The following MON2 variants were observed in gnomAD, a reference collection of about 807,000 sequenced individuals.
MON2 encodes protein MON2 homolog.
In MON2, 84 loss-of-function variants were observed where a neutral mutation model predicts 208.6. That is an observed-to-expected ratio of 0.40 (90% CI 0.34 to 0.48). The LOEUF is 0.48. Ranked by LOEUF, MON2 falls within the 20% of genes least tolerant of loss-of-function variation. The probability of loss-of-function intolerance (pLI) is 0.59; values close to 1 mark genes in which losing one functional copy is unlikely to be tolerated. For missense variants in MON2, 1,611 were observed against 2,015.4 expected, an observed-to-expected ratio of 0.80 and a Z score of 3.84; for synonymous variants, 660 against 694.0, an observed-to-expected ratio of 0.95 and a Z score of 0.77.
At chr12:62,532,230 C>T (rs2072689132) in intron 11 of MON2, among the ~76,000 whole-genome samples, 1 of 152,124 alleles carries the variant, frequency 6.6e-6, no homozygotes, top group South Asian at 2.1e-4. Context: ...TTAGTTATGG[C>T]AGTGGTCAGG....
intron 1 of MON2, among the ~76,000 whole-genome samples, chr12:62,478,455 G>A (rs2069214563): frequency 6.6e-6 from 1 of 152,062 alleles, no homozygotes; most frequent in Non-Finnish European, 1.5e-5. Context: ...ACACTAGGAG[G>A]GTGACAAAAT....
intron 30 of MON2, among the ~76,000 whole-genome samples, chr12:62,574,500 T>C (rs7136993): frequency 0.38 from 57,850 of 151,874 alleles, 11,356 homozygotes; most frequent in African/African-American, 0.47. Flanking sequence ...CCTCAGCCTC[T>C]CTTGTAGCTC....
intron 8 of MON2, 81 bp from the exon 9 acceptor site, chr12:62,524,434 C>A: frequency 8.7e-7 from 1 of 1,150,952 alleles, no homozygotes; most frequent in Admixed American, 2.0e-5. Context: ...TTGTCCATAG[C>A]ACTAAGTTAA....
rs1479632269 is a variant in MON2, at chr12:62,600,082, C to T, written c.*7333C>T. 1 of 152,138 alleles carries T rather than the reference C, an allele frequency of 6.6e-6. No individual in the cohort carries two copies. The highest frequency in any genetic ancestry group is 1.5e-5 in the Non-Finnish European group (1 of 68,024). 9.4% of individuals were successfully genotyped at this position (152,138 alleles called of 1,614,324 possible). ...TCTGTTATTTTACTAAATGTGTGAC[C>T]TTGGGCAAGTTAATTAACCTGTTTT... On this transcript the variant is annotated 3_prime_UTR_variant, in exon 35 of 35. Transcript: ENST00000393630.
chr12:62,527,319 G>A (rs955629426), intron 11 of MON2, among the ~76,000 whole-genome samples: 2 of 152,096 alleles, frequency 1.3e-5, no homozygotes, highest in Non-Finnish European at 2.9e-5. Context: ...TCTCTGGTGT[G>A]TCAGTCTGCA....
chr12:62,477,572 G>A (rs913722574), intron 1 of MON2, among the ~76,000 whole-genome samples: 12 of 148,700 alleles, frequency 8.1e-5, no homozygotes, highest in African/African-American at 9.9e-5. Context: ...ACACCACCAC[G>A]TTTGCCTAAT....
intron 30 of MON2, among the ~76,000 whole-genome samples, chr12:62,576,503 A>G (rs181789368): frequency 1.6e-4 from 24 of 152,216 alleles, no homozygotes; most frequent in Admixed American, 1.2e-3. Flanking sequence ...TTAATATGTC[A>G]TACAGAGAGA....
chr12:62,508,251 A>T, intron 7 of MON2, 35 bp from the exon 8 acceptor site: 1 of 1,520,380 alleles, frequency 6.6e-7, no homozygotes, highest in Non-Finnish European at 9.0e-7. Flanking sequence ...AAATAAAGTT[A>T]ATTATTTTTT....
intron 23 of MON2, 134 bp downstream of exon 23, chr12:62,549,964 TG>T: frequency 2.0e-6 from 1 of 511,926 alleles, no homozygotes. Context: ...AACTTACGTC[TG>T]GGTGAAGGAT....
intron 1 of MON2, among the ~76,000 whole-genome samples, chr12:62,474,810 A>C (rs1393994121): frequency 2.0e-5 from 3 of 152,104 alleles, no homozygotes; most frequent in Non-Finnish European, 4.4e-5. Context: ...GGTATCTAGC[A>C]CTGTTGCCTA....
intron 24 of MON2, 79 bp from the exon 25 acceptor site, chr12:62,555,915 T>TTCTTATGCTGTTGC: frequency 9.3e-7 from 1 of 1,078,566 alleles, no homozygotes; most frequent in Non-Finnish European, 1.4e-6. Context: ...AATTTGTAGA[T>TTCTTATGCTGTTGC]TCTTATGCTG....
rs750057394 is a variant in MON2 at position 62,525,136 on chromosome 12, G to C, written c.1162G>C (p.Asp388His). ...MKQHSTKVFRDIVNALGSFIQ... is the reference protein window; with the variant it reads ...MKQHSTKVFRHIVNALGSFIQ... ...ACAGCATTCTACCAAGGTTTTTCGT[G>C]ATATTGTAAATGCACTGGGATCTTT... The change falls in exon 10 of 35, where the codon GAT becomes CAT. Residue 388 changes from aspartate (D) to histidine (H), a missense_variant. Coordinates refer to ENST00000393630, the MANE Select transcript of MON2 (RefSeq NM_015026.3). 1.1e-5 allele frequency: 17 copies of C among 1,611,698 alleles called. No individual in the cohort carries two copies. The highest frequency in any genetic ancestry group is 1.4e-5 in the Non-Finnish European group (16 of 1,178,116).
At chr12:62,576,818 A>G (rs2074805752) in intron 30 of MON2, among the ~76,000 whole-genome samples, 1 of 151,748 alleles carries the variant, frequency 6.6e-6, no homozygotes, top group Admixed American at 6.6e-5. Flanking sequence ...TCATCATATG[A>G]TATTTTAAAA....
chr12:62,574,084 C>A (rs1433195319), intron 30 of MON2, among the ~76,000 whole-genome samples: 1 of 152,118 alleles, frequency 6.6e-6, no homozygotes, highest in African/African-American at 2.4e-5. Context: ...TTCAGTGACT[C>A]ATTTTTCCTC....
At chr12:62,470,446 CT>C (rs1182700689) in intron 1 of MON2, among the ~76,000 whole-genome samples, 1 of 152,036 alleles carries the variant, frequency 6.6e-6, no homozygotes, top group African/African-American at 2.4e-5. Flanking sequence ...ACCTCTTTCT[CT>C]TTTTTTCTAT....
At chr12:62,565,216 G>A (rs2074336165) in intron 26 of MON2, 21 bp from the exon 27 acceptor site, 3 of 1,607,558 alleles carry the variant, frequency 1.9e-6, no homozygotes, top group South Asian at 1.1e-5. Flanking sequence ...GCATTCTAAT[G>A]TTCTTATTTT....
chr12:62,534,266 A>G (rs1408079209), intron 12 of MON2, among the ~76,000 whole-genome samples: 1 of 151,628 alleles, frequency 6.6e-6, no homozygotes, highest in Non-Finnish European at 1.5e-5. Flanking sequence ...CACGCCTGTA[A>G]TCCCAGTAGT....
intron 32 of MON2, among the ~76,000 whole-genome samples, chr12:62,583,338 CA>C (rs1419598940): frequency 6.7e-6 from 1 of 149,784 alleles, no homozygotes. Context: ...GTCTCAAAAA[CA>C]AAAAAAACAA....
At chr12:62,508,718 A>G (rs2071234194) in intron 8 of MON2, 2 of 419,256 alleles carry the variant, frequency 4.8e-6, no homozygotes, top group South Asian at 8.9e-5. Flanking sequence ...TGAAGCCAGC[A>G]TAGGAATTGT....
Sources: gnomAD v4.1 joint callset for allele counts (sites outside exome capture counted in the v4.1 genomes callset) on GRCh38, gnomAD v4.1.1 for gene constraint, MANE v1.5 for transcripts, NCBI Gene and HGNC (gene_info 2026-07-23, HGNC 2026-07-21) for gene names.